CIT: variants seen among roughly 807,000 people sequenced by gnomAD.
The protein encoded by CIT is citron Rho-interacting kinase.
Under a neutral mutation model 272.7 loss-of-function variants are expected in CIT, and 79 were observed. The ratio of observed to expected loss-of-function variants is 0.29; its 90% CI spans 0.24 to 0.35. The LOEUF is 0.35. Ranked by LOEUF, CIT falls within the 10% of genes least tolerant of loss-of-function variation. CIT has a pLI of 1.00. For missense variants in CIT, 1,909 were observed against 2,618.3 expected (o/e 0.73, Z 5.91); for synonymous variants, 948 against 995.6 (o/e 0.95, Z 0.90).
intron 8 of CIT, among the ~76,000 whole-genome samples, chr12:119,824,109 T>TATAA (rs2138055507): frequency 1.6e-3 from 1 of 622 alleles, no homozygotes; most frequent in East Asian, 0.045. Context: ...AGTTTTACTG[T>TATAA]ATATATATAT....
At chr12:119,837,263 T>G (rs1242720271) in intron 5 of CIT, among the ~76,000 whole-genome samples, 1 of 152,214 alleles carries the variant, frequency 6.6e-6, no homozygotes, top group Non-Finnish European at 1.5e-5. Context: ...CCCAAAACTA[T>G]ACTACTGGGG....
chr12:119,875,204 G>T (rs556319104), intron 2 of CIT, among the ~76,000 whole-genome samples: 36 of 151,848 alleles, frequency 2.4e-4, no homozygotes, highest in Non-Finnish European at 4.7e-4. Flanking sequence ...TCAGGAAGCT[G>T]AAGTGGGAGG....
Position 119,822,979 on chromosome 12 carries a change from C to A in CIT, c.958-6G>T. The A allele has an allele frequency of 6.3e-7, 1 of 1,596,740 alleles. No individual in the cohort carries two copies. The highest frequency in any genetic ancestry group is 1.1e-5 in the South Asian group (1 of 87,550). ...TCTGGAAATTTCAAAAACCGCTGTT[C>A]CAAAAAAAATAAGAGAATTATTTCC... On this transcript the variant is annotated splice_region_variant and splice_polypyrimidine_tract_variant and intron_variant, in intron 8 of 47. Coordinates refer to ENST00000392521, the MANE Select transcript of CIT (RefSeq NM_001206999.2).
At position 119,825,363 on chromosome 12, in the gene CIT, A is replaced by G; in HGVS notation, c.759T>C (p.Asn253=). 2 of 1,613,978 alleles carry G rather than the reference A, an allele frequency of 1.2e-6. No individual in the cohort carries two copies. Among genetic ancestry groups the G allele is most frequent in the Non-Finnish European group, 1.7e-6 (2 of 1,179,972 alleles). Residue 253 remains asparagine, a synonymous_variant, in exon 8 of 48, where the codon AAT becomes AAC. Coordinates refer to ENST00000392521, the MANE Select transcript of CIT (RefSeq NM_001206999.2). ...AAKMNSNKMV[N]AKLPIGTPDY... ...CTGGGGTCCCAATCGGGAGTTTGGC[A>G]TTCACCTAGAATCCCATCAATAAAA...
chr12:119,772,655 A>G, intron 17 of CIT, 115 bp downstream of exon 17: 1 of 1,215,854 alleles, frequency 8.2e-7, no homozygotes, highest in East Asian at 2.6e-5. Context: ...AGGGATCTTC[A>G]GAAGGGAAAG....
At chr12:119,864,028 T>C (rs1353221450) in intron 3 of CIT, among the ~76,000 whole-genome samples, 1 of 152,014 alleles carries the variant, frequency 6.6e-6, no homozygotes, top group African/African-American at 2.4e-5. Flanking sequence ...GTTTATAAAT[T>C]GCCAAGTCTA....
chr12:119,739,579 G>A (rs1312573381), intron 24 of CIT, among the ~76,000 whole-genome samples: 2 of 152,188 alleles, frequency 1.3e-5, no homozygotes, highest in Non-Finnish European at 2.9e-5. Flanking sequence ...GCCAAATGTT[G>A]TTCTAAAGTA....
At chr12:119,748,905 G>A (rs920928459) in intron 23 of CIT, among the ~76,000 whole-genome samples, 3 of 152,240 alleles carry the variant, frequency 2.0e-5, no homozygotes, top group East Asian at 3.8e-4. Flanking sequence ...ATCACACATC[G>A]TGTGCTATAA....
Position 119,768,559 on chromosome 12 carries a change from G to T in CIT, c.2209-1377C>A, listed in dbSNP as rs1962730231. Reference sequence around the variant, plus strand: ...ACACACTTAAAATGTTAGTGATTAAGCTTTTGATATTCTAAAGTCTCCAAG... The same window carrying T: ...ACACACTTAAAATGTTAGTGATTAATCTTTTGATATTCTAAAGTCTCCAAG... On this transcript the variant is annotated intron_variant, in intron 18 of 47. Coordinates refer to ENST00000392521, the MANE Select transcript of CIT (RefSeq NM_001206999.2). This position sits in a 1 kb window ranked among gnomAD's most constrained non-coding sequence, Gnocchi z 4.3. Among the ~76,000 whole-genome samples, 1 of 152,178 alleles carries T rather than the reference G, an allele frequency of 6.6e-6. No homozygotes were observed. Among genetic ancestry groups the T allele is most frequent in the South Asian group, 2.1e-4 (1 of 4,824 alleles).
intron 18 of CIT, among the ~76,000 whole-genome samples, chr12:119,769,090 T>C (rs1962792496): frequency 1.5e-5 from 2 of 135,622 alleles, no homozygotes; most frequent in African/African-American, 2.8e-5. Context: ...TTTTTTTTTT[T>C]CCAGTTTCGG....
rs1966498295 is a variant in CIT at position 119,804,796 on chromosome 12, A to T, written c.1112-1407T>A. 1.3e-5 allele frequency among the ~76,000 whole-genome samples: 2 copies of T among 152,230 alleles called. No individual in the cohort carries two copies. Among genetic ancestry groups the T allele is most frequent in the Admixed American group, 1.3e-4 (2 of 15,284 alleles). On this transcript the variant is annotated intron_variant, in intron 9 of 47. Coordinates refer to ENST00000392521, the MANE Select transcript of CIT (RefSeq NM_001206999.2). This position sits in a 1 kb window ranked among gnomAD's most constrained non-coding sequence, Gnocchi z 5.3. ...TGGCTGTTCCTGAGAAGTACAAAAG[A>T]ACATTCCCAGAGCTTCAGGTACATT...
intron 4 of CIT, among the ~76,000 whole-genome samples, chr12:119,853,438 G>GTTTTGTTTTGT (rs113188451): frequency 0.037 from 5,632 of 151,352 alleles, 187 homozygotes; most frequent in African/African-American, 0.089. Context: ...TTGTTTGTTT[G>GTTTTGTTTTGT]TTTGTTTTGT....
rs569833154 is a variant in CIT, at chr12:119,718,962, A to C, written c.3841-101T>G. On this transcript the variant is annotated intron_variant, in intron 30 of 47. Transcript: ENST00000392521. The surrounding 1 kb of genome is among the most constrained non-coding windows in gnomAD (Gnocchi z 4.8). ...GGAGGAGCAAACCACAAAAGCCAGG[A>C]GCATACTCACTGTAAGTGTATTTAG... 10 of 1,165,682 alleles carry C rather than the reference A, an allele frequency of 8.6e-6. No homozygotes were observed. The African/African-American group carries it at 1.1e-4, about 12-fold the overall frequency. The allele number at this position is 1,165,682 out of a possible 1,614,324, so 72.2% of individuals were successfully genotyped here.
At position 119,738,742 on chromosome 12, in the gene CIT, G is replaced by A. The variant is rs145626528; in HGVS notation, c.2959-3385C>T. On this transcript the variant is annotated intron_variant, in intron 24 of 47. Transcript: ENST00000392521. ...CTACTAAAAATACAAAATTAGCTGG[G>A]CATGGTGGCACATGCCTATAATCCC... 2.0e-3 allele frequency among the ~76,000 whole-genome samples: 311 copies of A among 152,150 alleles called. 1 individual carries two copies. Among genetic ancestry groups the A allele is most frequent in the African/African-American group, 6.9e-3 (288 of 41,514 alleles).
In CIT at chr12:119,855,942, A is replaced by G. The variant is rs115340929; in HGVS notation, c.414+1581T>C. Among the ~76,000 whole-genome samples the G allele has an allele frequency of 4.3e-3, 658 of 152,342 alleles. 8 individuals carry two copies. The highest frequency in any genetic ancestry group is 0.015 in the African/African-American group (632 of 41,582). The stretch of plus-strand genomic sequence containing the variant: ...CACCAGATACAACAGATGCTCAGGT[A>G]GTATGAACTGATGAGACACAGTTCT... On this transcript the variant is annotated intron_variant, in intron 4 of 47. Coordinates refer to ENST00000392521, the MANE Select transcript of CIT (RefSeq NM_001206999.2).
intron 10 of CIT, among the ~76,000 whole-genome samples, chr12:119,787,137 G>A (rs1308112698): frequency 6.6e-6 from 1 of 151,826 alleles, no homozygotes; most frequent in Non-Finnish European, 1.5e-5. Context: ...GCTGATTTTT[G>A]TATTTTTTGT....
intron 47 of CIT, among the ~76,000 whole-genome samples, chr12:119,689,374 C>T (rs1021483664): frequency 6.7e-6 from 1 of 150,374 alleles, no homozygotes; most frequent in Admixed American, 6.6e-5. Flanking sequence ...CAGAGCAAGA[C>T]GCTGTCTCTC....
intron 9 of CIT, among the ~76,000 whole-genome samples, chr12:119,821,320 A>G (rs1967697237): frequency 6.6e-6 from 1 of 152,234 alleles, no homozygotes; most frequent in African/African-American, 2.4e-5. Context: ...GAATTTTTTA[A>G]AGCAAATACA....
In CIT at chr12:119,726,166, C is replaced by T. The variant is rs536463204; in HGVS notation, c.3591+2336G>A. 2.0e-3 allele frequency among the ~76,000 whole-genome samples: 297 copies of T among 152,146 alleles called. 6 individuals carry two copies. Among genetic ancestry groups the T allele is most frequent in the Admixed American group, 0.015 (222 of 15,270 alleles). ...CACTCATGTTATTGTGTAACCACCACCACCATCCATTTCTAGAACTTTCTC... is the reference window on the plus strand; with the variant it reads ...CACTCATGTTATTGTGTAACCACCATCACCATCCATTTCTAGAACTTTCTC... On this transcript the variant is annotated intron_variant, in intron 28 of 47. Transcript: ENST00000392521.
Sources: gnomAD v4.1 joint callset for allele counts (sites outside exome capture counted in the v4.1 genomes callset) on GRCh38, gnomAD v4.1.1 for gene constraint, Gnocchi (gnomAD v3.1) non-coding constraint, MANE v1.5 for transcripts, NCBI Gene and HGNC (gene_info 2026-07-23, HGNC 2026-07-21) for gene names.